ZNF782: variants seen among roughly 807,000 people sequenced by gnomAD.
ZNF782 encodes the protein zinc finger protein 782.
In ZNF782, 12 loss-of-function variants were observed where a neutral mutation model predicts 13.0. The observed-to-expected ratio is 0.92, with a 90% confidence interval of 0.59 to 1.50. The LOEUF (loss-of-function observed/expected upper bound fraction) is 1.50, where lower values mean the gene tolerates loss of function less well. Ranked by LOEUF, ZNF782 falls within the 40% of genes most tolerant of loss-of-function variation. The pLI is 0.00. For missense variants in ZNF782, 770 were observed against 822.9 expected (o/e 0.94, Z 0.79); for synonymous variants, 284 against 283.0 (o/e 1.00, Z -0.04).
In ZNF782 at chr9:96,842,014, G is replaced by C. The variant is rs182427922; in HGVS notation, c.142+2876C>G. Among the ~76,000 whole-genome samples, 347 of 151,978 alleles carry C rather than the reference G, an allele frequency of 2.3e-3. 3 individuals are homozygous for C. The highest frequency in any genetic ancestry group is 7.9e-3 in the African/African-American group (327 of 41,534). On this transcript the variant is annotated intron_variant, in intron 4 of 5. Transcript: ENST00000481138. The stretch of plus-strand genomic sequence containing the variant: ...AGTTCAGCAAGATCTCAGCATAAAA[G>C]AACAAACATACAAAAATCAATTACA...
At chr9:96,932,977 T>C in the ZNF782 span, among the ~76,000 whole-genome samples, 1 of 145,580 alleles carries the variant, frequency 6.9e-6, no homozygotes, top group South Asian at 2.3e-4. Flanking sequence ...TCTTTTCTTT[T>C]CTTTTTTTTT....
intron 4 of ZNF782, among the ~76,000 whole-genome samples, chr9:96,844,572 T>C (rs1261946963): frequency 4.0e-5 from 6 of 151,674 alleles, no homozygotes; most frequent in African/African-American, 1.5e-4. Context: ...TTGCCAGGGG[T>C]TGTGGAGGAA....
chr9:96,872,795 G>A (rs892004359), intron 1 of ZNF782, among the ~76,000 whole-genome samples: 76 of 152,266 alleles, frequency 5.0e-4, no homozygotes, highest in African/African-American at 1.5e-3. Flanking sequence ...GTGGCATAGC[G>A]TATTAGATGG....
At chr9:96,877,643 G>A (rs10116222), upstream of ZNF782, among the ~76,000 whole-genome samples, 34 of 152,234 alleles carry the variant, frequency 2.2e-4, no homozygotes, top group African/African-American at 7.2e-4. Context: ...TTCGGGCGGG[G>A]TCCGTTCCTT....
rs1324111594 is a variant in ZNF782 at position 96,850,690 on chromosome 9, T to A, written c.15+1257A>T. On this transcript the variant is annotated intron_variant, in intron 3 of 5. Transcript: ENST00000481138. The surrounding 1 kb of genome is among the most constrained non-coding windows in gnomAD (Gnocchi z 4.3). ...CATTTTAAAGAAATGTTTTAAAGTA[T>A]AAAGAAAAGACAGCATTTATTATGA... Among the ~76,000 whole-genome samples, 2 of 152,198 alleles carry A rather than the reference T, an allele frequency of 1.3e-5. No homozygotes were observed. The highest frequency in any genetic ancestry group is 4.8e-5 in the African/African-American group (2 of 41,436).
intron 4 of ZNF782, among the ~76,000 whole-genome samples, chr9:96,834,626 C>T (rs756064852): frequency 1.3e-5 from 2 of 152,212 alleles, no homozygotes; most frequent in Non-Finnish European, 2.9e-5. Context: ...AGCAGCATGA[C>T]GTCCTCACCC....
At chr9:96,876,394 T>C (rs1367193877), upstream of ZNF782, among the ~76,000 whole-genome samples, 1 of 152,216 alleles carries the variant, frequency 6.6e-6, no homozygotes, top group African/African-American at 2.4e-5. Context: ...AGGACATGCA[T>C]GGCTATAGAT....
At chr9:96,916,060 C>A in the ZNF782 span, among the ~76,000 whole-genome samples, 1 of 151,794 alleles carries the variant, frequency 6.6e-6, no homozygotes, top group Non-Finnish European at 1.5e-5. Context: ...GAAAAAACAT[C>A]ACGAAATGCC....
the ZNF782 span, among the ~76,000 whole-genome samples, chr9:96,887,151 T>C: frequency 1.3e-5 from 2 of 151,166 alleles, no homozygotes; most frequent in Non-Finnish European, 1.5e-5. Context: ...CCGTCTTTAC[T>C]AAAAATACAA....
the ZNF782 span, among the ~76,000 whole-genome samples, chr9:96,930,510 C>T: frequency 4.5e-5 from 6 of 133,968 alleles, no homozygotes; most frequent in African/African-American, 1.5e-4. Context: ...GGTGACAGAG[C>T]GAGACTCCGT....
the ZNF782 span, among the ~76,000 whole-genome samples, chr9:96,885,573 T>G: frequency 1.3e-5 from 2 of 152,098 alleles, no homozygotes; most frequent in Admixed American, 6.6e-5. Context: ...AAAAAGTGTC[T>G]GAAAAAATAA....
the ZNF782 span, among the ~76,000 whole-genome samples, chr9:96,930,344 T>C: frequency 6.6e-6 from 1 of 152,054 alleles, no homozygotes; most frequent in Non-Finnish European, 1.5e-5. Flanking sequence ...ACCAATATGG[T>C]GAAACCCCGT....
chr9:96,876,943 C>CAAAAAAAAAAAAAAAAAAAAAAA (rs398011569), upstream of ZNF782, among the ~76,000 whole-genome samples: 4 of 42,814 alleles, frequency 9.3e-5, no homozygotes, highest in African/African-American at 1.7e-4. Context: ...AACTCCGACT[C>CAAAAAAAAAAAAAAAAAAAAAAA]AAAAAAAAAA....
chr9:96,892,917 T>A, the ZNF782 span: 3 of 151,996 alleles, frequency 2.0e-5, no homozygotes, highest in African/African-American at 7.2e-5. Flanking sequence ...CTGAAAAGTA[T>A]AATTCATGGC....
upstream of ZNF782, among the ~76,000 whole-genome samples, chr9:96,855,421 C>T (rs946600240): frequency 2.6e-5 from 4 of 152,216 alleles, no homozygotes; most frequent in Non-Finnish European, 5.9e-5. Flanking sequence ...CCGCCATTCC[C>T]CGCCAAGTCC....
chr9:96,899,961 C>T, the ZNF782 span, among the ~76,000 whole-genome samples: 1 of 151,596 alleles, frequency 6.6e-6, no homozygotes, highest in Non-Finnish European at 1.5e-5. Flanking sequence ...CACCACATCC[C>T]GCTAATTTTT....
chr9:96,914,536 T>C, the ZNF782 span, among the ~76,000 whole-genome samples: 8 of 148,444 alleles, frequency 5.4e-5, no homozygotes, highest in East Asian at 1.2e-3. Flanking sequence ...CATCATTCAG[T>C]GTTAGAAAAT....
chr9:96,825,165 G>T (rs1386024345), intron 5 of ZNF782, among the ~76,000 whole-genome samples: 1 of 151,878 alleles, frequency 6.6e-6, no homozygotes, highest in Non-Finnish European at 1.5e-5. Flanking sequence ...ATACTACAAG[G>T]CTACAGTAAC....
intron 3 of ZNF782, 61 bp from the exon 4 acceptor site, chr9:96,845,077 C>T (rs890996953): frequency 1.8e-5 from 29 of 1,593,442 alleles, no homozygotes; most frequent in South Asian, 6.7e-5. Flanking sequence ...AAAACGTTTT[C>T]GGAAACTAAC....
Sources: allele counts gnomAD v4.1 joint callset (sites outside exome capture counted in the v4.1 genomes callset), GRCh38; gene constraint gnomAD v4.1.1; non-coding constraint Gnocchi (gnomAD v3.1); transcripts MANE v1.5; gene names NCBI Gene and HGNC (gene_info 2026-07-23, HGNC 2026-07-21).